Variants in LRFN5 observed in about 807,000 individuals in gnomAD.
The protein encoded by LRFN5 is leucine-rich repeat and fibronectin type-III domain-containing protein 5.
A neutral mutation model predicts 45.6 loss-of-function variants in LRFN5; 24 were observed. The ratio of observed to expected loss-of-function variants is 0.53; its 90% CI spans 0.38 to 0.74. LRFN5 has a LOEUF of 0.74. Among genes scored for constraint, LRFN5 ranks in the 30% least tolerant of loss-of-function variants. The probability of loss-of-function intolerance (pLI) is 0.00; values close to 1 mark genes in which losing one functional copy is unlikely to be tolerated. For synonymous variants in LRFN5, 340 were observed against 313.8 expected (o/e 1.08, Z -0.88); for missense variants, 776 against 861.5 (o/e 0.90, Z 1.24).
Position 41,887,159 on chromosome 14 carries a change from G to A in LRFN5, c.534G>A (p.Leu178=), listed in dbSNP as rs1890603032. ...TGGTTAGCTTGCATACCCTTAGTTT[G>A]GATCACAATATGATTGATAACATTC... is the stretch of plus-strand genomic sequence containing the variant. ...EKMVSLHTLS[L]DHNMIDNIPK... Residue 178 remains leucine, a synonymous_variant, in exon 3 of 6, where the codon TTG becomes TTA. Transcript: ENST00000298119. The surrounding 1 kb of genome is among the most constrained non-coding windows in gnomAD (Gnocchi z 4.8). The A allele has an allele frequency of 6.2e-7, 1 of 1,613,864 alleles. No individual in the cohort carries two copies.
chr14:41,700,361 A>T (rs959333097), intron 1 of LRFN5: 1 of 152,134 alleles, frequency 6.6e-6, no homozygotes, highest in African/African-American at 2.4e-5. Flanking sequence ...TTTGTGAGAC[A>T]TGGGGGCAAA....
chr14:41,609,533 T>TC (rs1466655353), intron 1 of LRFN5, among the ~76,000 whole-genome samples: 4 of 152,132 alleles, frequency 2.6e-5, no homozygotes, highest in Non-Finnish European at 5.9e-5. Flanking sequence ...CGCCTTTTTT[T>TC]CCCCTGAATT....
At chr14:41,837,483 A>T (rs1015700835) in intron 2 of LRFN5, among the ~76,000 whole-genome samples, 2 of 152,212 alleles carry the variant, frequency 1.3e-5, no homozygotes, top group African/African-American at 4.8e-5. Context: ...ATGAATTTGT[A>T]GTATTAAAGT....
chr14:41,846,540 A>G (rs561351920), intron 2 of LRFN5, among the ~76,000 whole-genome samples: 1 of 152,270 alleles, frequency 6.6e-6, no homozygotes, highest in South Asian at 2.1e-4. Flanking sequence ...CTAGCAAAAT[A>G]ATGTTAGATG....
At position 41,714,953 on chromosome 14, in the gene LRFN5, T is replaced by C. The variant is rs116763586; in HGVS notation, c.-196-51901T>C. Among the ~76,000 whole-genome samples the C allele has an allele frequency of 2.4e-3, 362 of 152,252 alleles. 1 individual carries two copies. Among genetic ancestry groups the C allele is most frequent in the African/African-American group, 8.4e-3 (349 of 41,550 alleles). ...CATTACGACTTTTTAGAATGTTTCA[T>C]TTCAAGAGTTCTGGGCAACATAGTC... On this transcript the variant is annotated intron_variant, in intron 1 of 5. Transcript: ENST00000298119.
intron 1 of LRFN5, among the ~76,000 whole-genome samples, chr14:41,668,831 A>C (rs1428887267): frequency 1.3e-5 from 2 of 152,152 alleles, no homozygotes; most frequent in African/African-American, 4.8e-5. Context: ...CAAGAACCCC[A>C]TGAGCTTATC....
At position 41,766,880 on chromosome 14, in the gene LRFN5, T is replaced by TCTC. The variant is rs1452783151; in HGVS notation, c.-170_-169insCTC. ...ATCCCTGTAACCATTCATCCAGGTG[T>TCTC]TGAGAAGATATGTAGCAGCCGAGCA... On this transcript the variant is annotated 5_prime_UTR_variant, in exon 2 of 6. Coordinates refer to ENST00000298119, the MANE Select transcript of LRFN5 (RefSeq NM_152447.5). The TCTC allele has an allele frequency of 6.6e-6, 1 of 152,588 alleles. No homozygotes were observed. Among genetic ancestry groups the TCTC allele is most frequent in the African/African-American group, 2.4e-5 (1 of 41,434 alleles). 9.5% of individuals were successfully genotyped at this position (152,588 alleles called of 1,614,324 possible).
At chr14:41,618,535 T>G (rs987793597) in intron 1 of LRFN5, among the ~76,000 whole-genome samples, 1 of 152,158 alleles carries the variant, frequency 6.6e-6, no homozygotes, top group South Asian at 2.1e-4. Flanking sequence ...CCTGAGACCA[T>G]TCACACATAT....
chr14:41,856,659 A>AATTATTATTATTATTATTATT (rs1377101488), intron 2 of LRFN5, among the ~76,000 whole-genome samples: 5 of 49,744 alleles, frequency 1.0e-4, no homozygotes, highest in African/African-American at 3.3e-4. Flanking sequence ...TTTCTTTCCT[A>AATTATTATTATTATTATTATT]ATTATTATTA....
intron 1 of LRFN5, among the ~76,000 whole-genome samples, chr14:41,656,963 G>A (rs994843253): frequency 1.3e-5 from 2 of 151,572 alleles, no homozygotes; most frequent in African/African-American, 4.8e-5. Context: ...ACGTGGATTC[G>A]TTTTAAAGTA....
chr14:41,641,685 TC>T (rs1879585318), intron 1 of LRFN5, among the ~76,000 whole-genome samples: 2 of 152,082 alleles, frequency 1.3e-5, no homozygotes, highest in Admixed American at 6.6e-5. Context: ...ATCCATGGTG[TC>T]CCAAACCTGA....
intron 2 of LRFN5, among the ~76,000 whole-genome samples, chr14:41,774,912 A>G (rs1353826956): frequency 6.6e-6 from 1 of 152,002 alleles, no homozygotes; most frequent in East Asian, 1.9e-4. Flanking sequence ...AATGACTGTG[A>G]TCTTGCAGGG....
At chr14:41,808,097 G>A (rs1887583389) in intron 2 of LRFN5, among the ~76,000 whole-genome samples, 2 of 150,208 alleles carry the variant, frequency 1.3e-5, no homozygotes, top group African/African-American at 2.4e-5. Context: ...TGCACTGTAG[G>A]ATGTTAAGAC....
chr14:41,858,975 A>G (rs1355393338), intron 2 of LRFN5, among the ~76,000 whole-genome samples: 1 of 152,150 alleles, frequency 6.6e-6, no homozygotes, highest in African/African-American at 2.4e-5. Context: ...TGATTATGTG[A>G]ATTGAGAGAA....
At chr14:41,894,149 A>G (rs975070733) in intron 4 of LRFN5, 29 of 984,682 alleles carry the variant, frequency 2.9e-5, no homozygotes, top group Admixed American at 6.2e-5. Context: ...TGAATCTTCA[A>G]AGACTTTCTG....
At chr14:41,798,802 T>G (rs1887223405) in intron 2 of LRFN5, among the ~76,000 whole-genome samples, 1 of 152,034 alleles carries the variant, frequency 6.6e-6, no homozygotes, top group Non-Finnish European at 1.5e-5. Flanking sequence ...TGGACTCAGT[T>G]TCACTTTTCA....
At chr14:41,796,981 C>G (rs1887155731) in intron 2 of LRFN5, among the ~76,000 whole-genome samples, 1 of 151,688 alleles carries the variant, frequency 6.6e-6, no homozygotes, top group Non-Finnish European at 1.5e-5. Context: ...ATTCACTTGT[C>G]TTTAAATTGA....
intron 1 of LRFN5, among the ~76,000 whole-genome samples, chr14:41,690,179 C>T (rs1882313412): frequency 6.6e-6 from 1 of 151,814 alleles, no homozygotes; most frequent in African/African-American, 2.4e-5. Context: ...ACTTCATAAC[C>T]AAGTCCTATT....
intron 2 of LRFN5, among the ~76,000 whole-genome samples, chr14:41,801,569 T>C (rs1172906785): frequency 2.6e-5 from 4 of 152,162 alleles, no homozygotes; most frequent in African/African-American, 9.6e-5. Flanking sequence ...ATCAGTGTTC[T>C]TCCATTTTTC....
Sources: allele counts gnomAD v4.1 joint callset (sites outside exome capture counted in the v4.1 genomes callset), GRCh38; gene constraint gnomAD v4.1.1; non-coding constraint Gnocchi (gnomAD v3.1); transcripts MANE v1.5; gene names NCBI Gene and HGNC (gene_info 2026-07-23, HGNC 2026-07-21).